LMLN: variants seen among roughly 807,000 people sequenced by gnomAD.
The protein encoded by LMLN is leishmanolysin like peptidase, also known as leishmanolysin-like peptidase.
In LMLN, 70 loss-of-function variants were observed where a neutral mutation model predicts 92.3. The ratio of observed to expected loss-of-function variants is 0.76; its 90% CI spans 0.63 to 0.92. LMLN has a LOEUF of 0.92. LMLN is among the 40% of genes least tolerant of loss of function. The pLI, the probability that LMLN is intolerant of heterozygous loss-of-function variation, is 0.00. For synonymous variants in LMLN, 308 were observed against 296.2 expected (o/e 1.04, Z -0.41); for missense variants, 691 against 814.6 (o/e 0.85, Z 1.85).
intron 11 of LMLN, among the ~76,000 whole-genome samples, chr3:198,006,793 A>T (rs1402636017): frequency 6.6e-6 from 1 of 151,694 alleles, no homozygotes; most frequent in Non-Finnish European, 1.5e-5. Context: ...GCTCACTGTA[A>T]CCTCTGCCTC....
intron 11 of LMLN, 67 bp from the exon 12 acceptor site, chr3:198,002,948 A>T: frequency 2.3e-6 from 2 of 866,368 alleles, no homozygotes. Flanking sequence ...GAGATTCTCA[A>T]TTGTTATGCT....
chr3:197,988,538 A>T (rs1183148165), intron 8 of LMLN, among the ~76,000 whole-genome samples: 1 of 124,938 alleles, frequency 8.0e-6, no homozygotes. Context: ...CCCAGGCTGC[A>T]GTGCAGTGGC....
chr3:198,035,943 C>T (rs1222309886), exon 15 of LMLN: 5 of 1,613,988 alleles, frequency 3.1e-6, no homozygotes, highest in Admixed American at 1.7e-5. Context: ...GCTGGATTCA[C>T]GATGGAAACC....
chr3:198,035,418 A>G (rs533684725), intron 14 of LMLN, among the ~76,000 whole-genome samples: 29 of 136,372 alleles, frequency 2.1e-4, no homozygotes, highest in Non-Finnish European at 3.6e-4. Flanking sequence ...GCTGGAGCGC[A>G]GTGGCATGAT....
chr3:198,016,394 C>T (rs1489303277), intron 11 of LMLN, among the ~76,000 whole-genome samples: 2 of 152,164 alleles, frequency 1.3e-5, no homozygotes, highest in Admixed American at 1.3e-4. Flanking sequence ...TACCCCTGCA[C>T]TACAGGTTGA....
intron 9 of LMLN, among the ~76,000 whole-genome samples, chr3:197,995,174 C>A (rs1281949772): frequency 2.6e-5 from 4 of 152,194 alleles, no homozygotes; most frequent in Non-Finnish European, 5.9e-5. Flanking sequence ...TAGTGAATAT[C>A]TTTTCTTACT....
intron 1 of LMLN, among the ~76,000 whole-genome samples, chr3:197,971,944 CTTTTTTT>C (rs756710031): frequency 2.5e-5 from 2 of 81,220 alleles, no homozygotes; most frequent in African/African-American, 4.7e-5. Context: ...AGTCTCTGTT[CTTTTTTT>C]TTTTTTTTTT....
At chr3:197,960,324 G>T (rs768572760) in exon 1 of LMLN, 2 of 1,613,918 alleles carry the variant, frequency 1.2e-6, no homozygotes, top group Admixed American at 1.7e-5. Flanking sequence ...GAGCGGGTCT[G>T]TGTGGGTCCG....
chr3:198,008,893 A>G (rs1325559888), intron 11 of LMLN, among the ~76,000 whole-genome samples: 2 of 152,076 alleles, frequency 1.3e-5, no homozygotes, highest in Admixed American at 1.3e-4. Flanking sequence ...TTCTTTGACC[A>G]CTGTATAATT....
At chr3:197,993,918 A>C (rs1177660526) in intron 9 of LMLN, among the ~76,000 whole-genome samples, 1 of 152,182 alleles carries the variant, frequency 6.6e-6, no homozygotes, top group Non-Finnish European at 1.5e-5. Flanking sequence ...AGGCACATTG[A>C]TGAATGGAAC....
chr3:197,994,942 C>T (rs765762562), intron 9 of LMLN, among the ~76,000 whole-genome samples: 1 of 152,224 alleles, frequency 6.6e-6, no homozygotes, highest in Non-Finnish European at 1.5e-5. Context: ...AGCCACATTA[C>T]AGAATCAGCC....
intron 5 of LMLN, among the ~76,000 whole-genome samples, chr3:197,977,210 A>C (rs1182893553): frequency 6.6e-6 from 1 of 152,242 alleles, no homozygotes; most frequent in Non-Finnish European, 1.5e-5. Flanking sequence ...AATACTGTGC[A>C]GTTGTTAAAA....
intron 8 of LMLN, among the ~76,000 whole-genome samples, chr3:197,987,316 C>T (rs903121257): frequency 6.6e-5 from 10 of 151,754 alleles, no homozygotes; most frequent in Non-Finnish European, 1.2e-4. Flanking sequence ...CCTGCCAACA[C>T]GCCCGGCTGA....
intron 15 of LMLN, among the ~76,000 whole-genome samples, chr3:198,037,946 CATT>C (rs1197177600): frequency 2.0e-5 from 3 of 152,184 alleles, no homozygotes; most frequent in Non-Finnish European, 4.4e-5. Context: ...TGCCTGTTGT[CATT>C]ATTAATAGTC....
Position 197,975,087 on chromosome 3 carries a change from C to T in LMLN, c.348+15C>T, listed in dbSNP as rs752577926. 7.2e-7 allele frequency: 1 copy of T among 1,383,726 alleles called. No homozygotes were observed. Among genetic ancestry groups the T allele is most frequent in the Admixed American group, 1.9e-5 (1 of 51,844 alleles). The allele number at this position is 1,383,726 out of a possible 1,614,324, so 85.7% of individuals were successfully genotyped here. A position where few individuals can be genotyped will look rare whatever the true frequency, so the allele number is the denominator to read the frequency against. The stretch of plus-strand genomic sequence containing the variant: ...ATCTTGTAAAGGTATGTAATAAATA[C>T]TCATAACTTGAATTGGACACTTAAA... On this transcript the variant is annotated intron_variant, in intron 3 of 15. Transcript: ENST00000330198.
exon 3 of LMLN, chr3:197,975,050 C>A: frequency 6.7e-7 from 1 of 1,486,334 alleles, no homozygotes; most frequent in Non-Finnish European, 9.3e-7. Flanking sequence ...AGGTTGCTCC[C>A]TGAGAAAAAG....
intron 9 of LMLN, among the ~76,000 whole-genome samples, chr3:197,995,569 G>C (rs1721994186): frequency 6.6e-6 from 1 of 152,142 alleles, no homozygotes; most frequent in African/African-American, 2.4e-5. Flanking sequence ...TGGTTATAGA[G>C]GCTGGGGTGG....
chr3:198,021,395 T>C, intron 12 of LMLN, 51 bp from the exon 14 acceptor site: 1 of 1,576,086 alleles, frequency 6.3e-7, no homozygotes, highest in Non-Finnish European at 8.7e-7. Context: ...CTTCCTCAAT[T>C]TTATACAGAA....
intron 5 of LMLN, among the ~76,000 whole-genome samples, chr3:197,979,391 G>A (rs978861587): frequency 6.6e-6 from 1 of 152,180 alleles, no homozygotes; most frequent in African/African-American, 2.4e-5. Flanking sequence ...AAGATTTGCT[G>A]GGCAAGGTGC....
Sources: gnomAD v4.1 joint callset for allele counts (sites outside exome capture counted in the v4.1 genomes callset) on GRCh38, gnomAD v4.1.1 for gene constraint, MANE v1.5 for transcripts, NCBI Gene and HGNC (gene_info 2026-07-23, HGNC 2026-07-21) for gene names.